The following NFKB1 variants were observed in gnomAD, a reference collection of about 807,000 sequenced individuals.
NFKB1 encodes nuclear factor kappa B subunit 1.
Under a neutral mutation model 105.1 loss-of-function variants are expected in NFKB1, and 9 were observed. The observed-to-expected ratio is 0.09, with a 90% CI of 0.05 to 0.15. The LOEUF (loss-of-function observed/expected upper bound fraction) is 0.15. NFKB1 is among the 10% of genes least tolerant of loss of function. NFKB1 has a pLI of 1.00. For missense variants in NFKB1, 830 were observed against 1,203.7 expected (o/e 0.69, Z 4.59); for synonymous variants, 440 against 442.2 (o/e 1.00, Z 0.06).
intron 6 of NFKB1, among the ~76,000 whole-genome samples, chr4:102,568,306 A>G (rs1318724480): frequency 6.6e-5 from 10 of 152,112 alleles, no homozygotes; most frequent in African/African-American, 2.4e-4. Context: ...AAGACTCTAG[A>G]TTGAAGGAAG....
chr4:102,566,846 A>T, intron 5 of NFKB1, 141 bp from the exon 6 acceptor site: 1 of 778,718 alleles, frequency 1.3e-6, no homozygotes, highest in Non-Finnish European at 2.0e-6. Flanking sequence ...ACATACTTTT[A>T]AAAACAGGGC....
intron 5 of NFKB1, among the ~76,000 whole-genome samples, chr4:102,566,162 AAG>A (rs1723850272): frequency 6.6e-6 from 1 of 152,186 alleles, no homozygotes; most frequent in South Asian, 2.1e-4. Context: ...GAGGATATCT[AAG>A]TGTTTTTTGC....
At chr4:102,548,376 G>C (rs73837271) in intron 5 of NFKB1, among the ~76,000 whole-genome samples, 3,489 of 152,190 alleles carry the variant, frequency 0.023, 65 homozygotes, top group African/African-American at 0.059. Context: ...ATGGGGAGGC[G>C]ATCACCAGGT....
At chr4:102,599,799 T>C (rs1726980469) in intron 15 of NFKB1, among the ~76,000 whole-genome samples, 1 of 152,228 alleles carries the variant, frequency 6.6e-6, no homozygotes, top group Non-Finnish European at 1.5e-5. Context: ...AGACAATATA[T>C]ATCAAATGCT....
chr4:102,577,136 T>A (rs1350004536), intron 7 of NFKB1, 97 bp downstream of exon 7: 1 of 1,241,846 alleles, frequency 8.1e-7, no homozygotes, highest in Non-Finnish European at 1.1e-6. Flanking sequence ...TTCCAGTCTC[T>A]ACCCCACACT....
chr4:102,591,111 C>T (rs1726131889), intron 11 of NFKB1, among the ~76,000 whole-genome samples: 1 of 152,098 alleles, frequency 6.6e-6, no homozygotes, highest in Non-Finnish European at 1.5e-5. Context: ...CAAGGTGAAG[C>T]AACAAATGCT....
chr4:102,536,966 G>A (rs1741681527), intron 4 of NFKB1, among the ~76,000 whole-genome samples: 1 of 152,182 alleles, frequency 6.6e-6, no homozygotes. Context: ...TTAATATGAT[G>A]ATGAGGTCAT....
At chr4:102,532,522 T>C (rs1157187237) in intron 3 of NFKB1, among the ~76,000 whole-genome samples, 1 of 151,900 alleles carries the variant, frequency 6.6e-6, no homozygotes, top group East Asian at 1.9e-4. Context: ...CCAGCTCCTC[T>C]GGAGGCTGAG....
At chr4:102,568,447 T>C (rs1338981080) in intron 6 of NFKB1, among the ~76,000 whole-genome samples, 1 of 152,166 alleles carries the variant, frequency 6.6e-6, no homozygotes, top group Non-Finnish European at 1.5e-5. Context: ...ACCCTTCCAA[T>C]TCCTGATTGA....
At chr4:102,562,421 G>C (rs1301344673) in intron 5 of NFKB1, among the ~76,000 whole-genome samples, 1 of 152,158 alleles carries the variant, frequency 6.6e-6, no homozygotes, top group African/African-American at 2.4e-5. Flanking sequence ...TGTCTGTTCT[G>C]CATTCACCAT....
At position 102,567,029 on chromosome 4, in the gene NFKB1, G is replaced by A; in HGVS notation, c.301G>A (p.Val101Ile). 3 of 1,613,944 alleles carry A rather than the reference G, an allele frequency of 1.9e-6. No individual in the cohort carries two copies. The highest frequency in any genetic ancestry group is 2.5e-6 in the Non-Finnish European group (3 of 1,179,898). Reference sequence around the variant, plus strand: ...ACCAGCAAAGGTTATTGTTCAGTTGGTCACAAATGGAAAAAATATCCACCT... The same window carrying A: ...ACCAGCAAAGGTTATTGTTCAGTTGATCACAAATGGAAAAAATATCCACCT... ...VGPAKVIVQL[V>I]TNGKNIHLHA... The change falls in exon 6 of 24, where the codon GTC (valine) becomes ATC (isoleucine). Residue 101 changes from valine (V) to isoleucine (I), a missense_variant. Val to Ile is a conservative substitution (Grantham distance 29). This residue lies in a region of NFKB1 where 64 missense variants were observed against 79.9 expected (regional missense o/e 0.80). Coordinates refer to ENST00000226574, the MANE Select transcript of NFKB1 (RefSeq NM_003998.4).
intron 3 of NFKB1, among the ~76,000 whole-genome samples, chr4:102,530,373 C>T (rs1741208115): frequency 1.3e-5 from 2 of 152,088 alleles, no homozygotes; most frequent in South Asian, 2.1e-4. Context: ...AAGCTTATAA[C>T]TTTGCACTCT....
intron 2 of NFKB1, among the ~76,000 whole-genome samples, chr4:102,526,112 T>C (rs4647987): frequency 0.022 from 3,417 of 152,316 alleles, 63 homozygotes; most frequent in African/African-American, 0.057. Flanking sequence ...AAAGGCATCA[T>C]TGGATTTAGG....
chr4:102,506,483 C>A (rs1259898958), intron 1 of NFKB1, among the ~76,000 whole-genome samples: 1 of 152,090 alleles, frequency 6.6e-6, no homozygotes, highest in Non-Finnish European at 1.5e-5. Flanking sequence ...CTGTACTTTC[C>A]ACTTTCATAC....
chr4:102,592,691 G>A (rs1054249889), intron 11 of NFKB1, among the ~76,000 whole-genome samples: 2 of 152,178 alleles, frequency 1.3e-5, no homozygotes, highest in African/African-American at 2.4e-5. Flanking sequence ...ATGTGGAATT[G>A]AACCTTTCAA....
At chr4:102,540,069 TGAAAGA>T (rs1284134513) in intron 5 of NFKB1, among the ~76,000 whole-genome samples, 1 of 152,174 alleles carries the variant, frequency 6.6e-6, no homozygotes, top group Non-Finnish European at 1.5e-5. Flanking sequence ...AGAAGGGGAT[TGAAAGA>T]CACATGTTAT....
At chr4:102,574,922 A>G (rs1351909572) in intron 6 of NFKB1, among the ~76,000 whole-genome samples, 1 of 152,216 alleles carries the variant, frequency 6.6e-6, no homozygotes, top group African/African-American at 2.4e-5. Flanking sequence ...AAAGCATATT[A>G]TTGACAGTAA....
At chr4:102,570,755 A>G (rs1302411790) in intron 6 of NFKB1, among the ~76,000 whole-genome samples, 1 of 152,194 alleles carries the variant, frequency 6.6e-6, no homozygotes, top group East Asian at 1.9e-4. Context: ...AGAATAAAAT[A>G]CCTAGGAATC....
In NFKB1 at chr4:102,612,601, T is replaced by C; in HGVS notation, c.2587T>C (p.Tyr863His). ...PAPSKTLMDNYEVSGGTVREL... is the reference protein window; with the variant it reads ...PAPSKTLMDNHEVSGGTVREL... ...TCCTTCCAAAACACTTATGGACAACTATGAGGTAACACCTTACCTTACAGA... is the reference window on the plus strand; with the variant it reads ...TCCTTCCAAAACACTTATGGACAACCATGAGGTAACACCTTACCTTACAGA... The change falls in exon 22 of 24, where the codon TAT becomes CAT. Residue 863 changes from tyrosine (Y) to histidine (H), a missense_variant. Physicochemically the swap from Tyr to His is moderately conservative, Grantham distance 83. Around this residue, in one of 8 missense-constraint regions of NFKB1, gnomAD observed 418 missense variants for 575.3 expected, o/e 0.73. Coordinates refer to ENST00000226574, the MANE Select transcript of NFKB1 (RefSeq NM_003998.4). 1 of 1,613,458 alleles carries C rather than the reference T, an allele frequency of 6.2e-7. No individual in the cohort carries two copies. Among genetic ancestry groups the C allele is most frequent in the Non-Finnish European group, 8.5e-7 (1 of 1,179,868 alleles).
Sources: gnomAD v4.1 joint callset for allele counts (sites outside exome capture counted in the v4.1 genomes callset) on GRCh38, gnomAD v4.1.1 for gene constraint, gnomAD v4.1.1 regional missense constraint, MANE v1.5 for transcripts, NCBI Gene and HGNC (gene_info 2026-07-23, HGNC 2026-07-21) for gene names.